The following XYLT1 variants were observed in gnomAD, a reference collection of about 807,000 sequenced individuals.
The protein encoded by XYLT1 is beta-D-xylosyltransferase 1.
Under a neutral mutation model 91.3 loss-of-function variants are expected in XYLT1, and 36 were observed. That is an observed-to-expected ratio of 0.39 (90% CI 0.30 to 0.52). XYLT1 has a LOEUF of 0.52. Among genes scored for constraint, XYLT1 ranks in the 20% least tolerant of loss-of-function variants. XYLT1 has a pLI of 0.68. For synonymous variants in XYLT1, 588 were observed against 532.0 expected, an observed-to-expected ratio of 1.11 and a Z score of -1.45; for missense variants, 1,242 against 1,284.5, an observed-to-expected ratio of 0.97 and a Z score of 0.51.
intron 3 of XYLT1, among the ~76,000 whole-genome samples, chr16:17,232,429 G>GTGTGTGTGTATATATA (rs1194509016): frequency 1.6e-3 from 195 of 121,626 alleles, no homozygotes; most frequent in Admixed American, 8.6e-3. Flanking sequence ...GTGTGTGTGT[G>GTGTGTGTGTATATATA]TATATATATA....
At chr16:17,225,605 GA>G (rs751015865) in intron 3 of XYLT1, among the ~76,000 whole-genome samples, 1,499 of 139,956 alleles carry the variant, frequency 0.011, 16 homozygotes, top group African/African-American at 0.033. Context: ...GAAGAAGGAG[GA>G]AAAAAAAAAA....
At chr16:17,424,208 C>T (rs2036284128) in intron 1 of XYLT1, among the ~76,000 whole-genome samples, 1 of 152,198 alleles carries the variant, frequency 6.6e-6, no homozygotes, top group African/African-American at 2.4e-5. Context: ...CAGACTCTGC[C>T]ACTTCTTAGC....
At chr16:17,265,142 C>T (rs549462886) in intron 2 of XYLT1, among the ~76,000 whole-genome samples, 189 of 152,254 alleles carry the variant, frequency 1.2e-3, no homozygotes, top group African/African-American at 4.3e-3. Context: ...GAGCCAAGAT[C>T]GTGCCCTGCA....
intron 1 of XYLT1, among the ~76,000 whole-genome samples, chr16:17,446,892 T>C (rs1021039488): frequency 4.6e-5 from 7 of 152,160 alleles, no homozygotes; most frequent in African/African-American, 1.7e-4. Context: ...TGCGGGGGAC[T>C]GCAGCCAAAC....
At chr16:17,457,617 C>G (rs1475890149) in intron 1 of XYLT1, among the ~76,000 whole-genome samples, 1 of 152,198 alleles carries the variant, frequency 6.6e-6, no homozygotes, top group Non-Finnish European at 1.5e-5. Flanking sequence ...AATTTGAAAA[C>G]TATCCCTCAA....
chr16:17,142,176 G>A (rs760277139), intron 6 of XYLT1, among the ~76,000 whole-genome samples: 3 of 152,014 alleles, frequency 2.0e-5, no homozygotes, highest in Non-Finnish European at 2.9e-5. Context: ...GGCATGCACC[G>A]CCATGTCTGG....
intron 2 of XYLT1, among the ~76,000 whole-genome samples, chr16:17,270,283 G>T (rs1353972348): frequency 3.3e-5 from 5 of 152,238 alleles, no homozygotes; most frequent in African/African-American, 9.6e-5. Context: ...CACCTAGCCT[G>T]GACCTCAAGC....
intron 2 of XYLT1, among the ~76,000 whole-genome samples, chr16:17,263,669 C>T (rs1004093776): frequency 1.1e-4 from 17 of 151,772 alleles, no homozygotes; most frequent in African/African-American, 2.9e-4. Context: ...ATAGTGACTG[C>T]GGCGTTCTCT....
intron 1 of XYLT1, among the ~76,000 whole-genome samples, chr16:17,457,311 C>G (rs1439917315): frequency 1.3e-5 from 2 of 152,308 alleles, no homozygotes; most frequent in African/African-American, 4.8e-5. Context: ...TATTTCCCAT[C>G]GCTGCTTTCT....
At chr16:17,310,803 C>G (rs111453877) in intron 2 of XYLT1, among the ~76,000 whole-genome samples, 5,658 of 152,138 alleles carry the variant, frequency 0.037, 337 homozygotes, top group African/African-American at 0.13. Context: ...GAGCCGAGAT[C>G]GTGCCACTGC....
intron 3 of XYLT1, among the ~76,000 whole-genome samples, chr16:17,236,093 C>T (rs889879710): frequency 6.6e-6 from 1 of 152,148 alleles, no homozygotes; most frequent in Non-Finnish European, 1.5e-5. Context: ...TCTGGAGATG[C>T]CTTTTTCATC....
At chr16:17,357,767 T>C (rs2035321958) in intron 2 of XYLT1, among the ~76,000 whole-genome samples, 1 of 152,238 alleles carries the variant, frequency 6.6e-6, no homozygotes, top group South Asian at 2.1e-4. Context: ...ATTATGGTTC[T>C]CGCCACAGGT....
At chr16:17,269,630 C>T (rs1020535354) in intron 2 of XYLT1, among the ~76,000 whole-genome samples, 1 of 152,102 alleles carries the variant, frequency 6.6e-6, no homozygotes, top group African/African-American at 2.4e-5. Flanking sequence ...CATCTCCCAG[C>T]CTCTGTAAGA....
chr16:17,206,233 C>G (rs114214096), intron 3 of XYLT1, among the ~76,000 whole-genome samples: 1 of 152,064 alleles, frequency 6.6e-6, no homozygotes, highest in East Asian at 1.9e-4. Context: ...TGCAGAGGAG[C>G]GGGATTCGTC....
intron 1 of XYLT1, among the ~76,000 whole-genome samples, chr16:17,407,055 G>T (rs182476288): frequency 1.4e-4 from 22 of 152,262 alleles, no homozygotes; most frequent in African/African-American, 4.6e-4. Context: ...AGGCTGGAAT[G>T]CAGTGACGCA....
intron 3 of XYLT1, among the ~76,000 whole-genome samples, chr16:17,203,473 T>C (rs2141592192): frequency 6.6e-6 from 1 of 151,976 alleles, no homozygotes; most frequent in Admixed American, 6.6e-5. Flanking sequence ...CACTAATCTG[T>C]CCATCCATCT....
intron 3 of XYLT1, among the ~76,000 whole-genome samples, chr16:17,225,097 T>A (rs2141613136): frequency 6.6e-6 from 1 of 151,690 alleles, no homozygotes; most frequent in East Asian, 1.9e-4. Context: ...CCAGGAAGAG[T>A]CATCTGATTA....
chr16:17,435,312 G>A (rs10400971), intron 1 of XYLT1, among the ~76,000 whole-genome samples: 8,537 of 152,202 alleles, frequency 0.056, 331 homozygotes, highest in African/African-American at 0.097. Context: ...GGCTGACAGC[G>A]GGCCTCAGAG....
intron 1 of XYLT1, among the ~76,000 whole-genome samples, chr16:17,425,733 C>T (rs1393345622): frequency 1.3e-5 from 2 of 152,192 alleles, no homozygotes; most frequent in Non-Finnish European, 2.9e-5. Flanking sequence ...AGCACACAGC[C>T]AGGCTGGTTC....
Sources: gnomAD v4.1 joint callset for allele counts (sites outside exome capture counted in the v4.1 genomes callset) on GRCh38, gnomAD v4.1.1 for gene constraint, MANE v1.5 for transcripts, NCBI Gene and HGNC (gene_info 2026-07-23, HGNC 2026-07-21) for gene names.